CR1: variants seen among roughly 807,000 people sequenced by gnomAD.
CR1 encodes complement C3b/C4b receptor 1 (Knops blood group).
In CR1, 116 loss-of-function variants were observed where a neutral mutation model predicts 187.3. The observed-to-expected ratio is 0.62, with a 90% CI of 0.53 to 0.72. The LOEUF (loss-of-function observed/expected upper bound fraction) is 0.72, where lower values mean the gene tolerates loss of function less well. Among genes scored for constraint, CR1 ranks in the 30% least tolerant of loss-of-function variants. The probability of loss-of-function intolerance (pLI) is 0.00; values close to 1 mark genes in which losing one functional copy is unlikely to be tolerated. For missense variants in CR1, 1,731 were observed against 2,110.7 expected, an observed-to-expected ratio of 0.82 and a Z score of 3.52; for synonymous variants, 576 against 747.1, an observed-to-expected ratio of 0.77 and a Z score of 3.73.
chr1:207,581,139 C>CATGTATATGTAT (rs1660924900), intron 31 of CR1, among the ~76,000 whole-genome samples: 2 of 151,168 alleles, frequency 1.3e-5, no homozygotes, highest in African/African-American at 4.9e-5. Context: ...TACATATGGA[C>CATGTATATGTAT]ACGTATATGT....
intron 35 of CR1, among the ~76,000 whole-genome samples, chr1:207,605,640 T>A (rs763863457): frequency 1.2e-4 from 19 of 152,172 alleles, no homozygotes; most frequent in Non-Finnish European, 2.4e-4. Context: ...GTCAGAGGAC[T>A]CCCATGATCC....
Position 207,511,630 on chromosome 1 carries a change from G to T in CR1, c.463G>T (p.Asp155Tyr). 1 of 1,613,050 alleles carries T rather than the reference G, an allele frequency of 6.2e-7. No individual in the cohort carries two copies. Among genetic ancestry groups the T allele is most frequent in the Non-Finnish European group, 8.5e-7 (1 of 1,179,286 alleles). ...CIISGDTVIW[D>Y]NETPICDRIP... ...CATCTCAGGTGATACTGTCATTTGG[G>T]ATAATGAAACACCTATTTGTGACAG... The change falls in exon 4 of 47, where the codon GAT becomes TAT. Residue 155 changes from aspartate (D) to tyrosine (Y), a missense_variant. Physicochemically the swap from Asp to Tyr is radical, Grantham distance 160. Around this residue, in one of 5 missense-constraint regions of CR1, gnomAD observed 237 missense variants for 240.4 expected, o/e 0.99. Coordinates refer to ENST00000367049, the MANE Select transcript of CR1 (RefSeq NM_000651.6).
chr1:207,588,864 G>C (rs1219112868), intron 35 of CR1, 90 bp downstream of exon 35: 5 of 844,284 alleles, frequency 5.9e-6, no homozygotes, highest in Non-Finnish European at 9.3e-6. Context: ...CTAAACTATT[G>C]CTCCCTTTAC....
At chr1:207,620,866 A>G (rs891669927) in intron 43 of CR1, among the ~76,000 whole-genome samples, 5 of 152,242 alleles carry the variant, frequency 3.3e-5, no homozygotes, top group Admixed American at 1.3e-4. Flanking sequence ...AATTCAGGTC[A>G]TTGGAGAACC....
intron 36 of CR1, among the ~76,000 whole-genome samples, chr1:207,608,171 G>T (rs909583324): frequency 6.6e-6 from 1 of 152,152 alleles, no homozygotes; most frequent in African/African-American, 2.4e-5. Flanking sequence ...GTTCAGCATG[G>T]TTTGAAAATA....
intron 35 of CR1, among the ~76,000 whole-genome samples, chr1:207,594,715 A>G (rs1206163740): frequency 3.9e-5 from 6 of 152,216 alleles, no homozygotes; most frequent in Admixed American, 3.9e-4. Flanking sequence ...TCATCAGCCT[A>G]TTCTGTCACT....
At chr1:207,614,637 G>T in intron 40 of CR1, 148 bp downstream of exon 40, 1 of 541,660 alleles carries the variant, frequency 1.8e-6, no homozygotes, top group South Asian at 2.1e-5. Flanking sequence ...TTTCAAGAAG[G>T]GTCTTGTAGG....
chr1:207,496,510 T>C (rs1659091606), intron 1 of CR1, 122 bp downstream of exon 1: 2 of 1,023,880 alleles, frequency 2.0e-6, no homozygotes, highest in African/African-American at 1.7e-5. Context: ...GGCAGCGCGA[T>C]GGGTGGGCTG....
intron 3 of CR1, 30 bp downstream of exon 3, chr1:207,506,843 C>G: frequency 1.3e-6 from 2 of 1,551,948 alleles, no homozygotes; most frequent in Non-Finnish European, 1.8e-6. Context: ...ACCAACATCT[C>G]TTGGTTCAAG....
intron 35 of CR1, among the ~76,000 whole-genome samples, chr1:207,604,789 T>G (rs1661698975): frequency 1.3e-5 from 2 of 152,166 alleles, no homozygotes; most frequent in African/African-American, 4.8e-5. Context: ...ATGATCTTAC[T>G]TCCATGTGAA....
At chr1:207,589,220 A>G (rs1558251392) in intron 35 of CR1, among the ~76,000 whole-genome samples, 1 of 152,206 alleles carries the variant, frequency 6.6e-6, no homozygotes, top group Non-Finnish European at 1.5e-5. Flanking sequence ...CAAAGTGCAC[A>G]CAGAGAGGAG....
chr1:207,614,405 T>G lies in CR1; in HGVS notation c.6577T>G (p.Phe2193Val). The stretch of plus-strand genomic sequence containing the variant: ...TGCTACCACTTTTTTTTTCTTTAGG[T>G]TCCGATTAAAAGGCAGGTCTGCTAG... Reference protein sequence around the residue: ...AKVSFVCDEGFRLKGRSASHC... With the variant: ...AKVSFVCDEGVRLKGRSASHC... The change falls in exon 40 of 47, where the codon TTC (phenylalanine) becomes GTC (valine). Residue 2193 changes from phenylalanine to valine, a missense_variant and splice_region_variant. Around this residue, in one of 5 missense-constraint regions of CR1, gnomAD observed 1,312 missense variants for 1,379.6 expected, o/e 0.95. Transcript: ENST00000367049. The G allele has an allele frequency of 6.2e-7, 1 of 1,609,094 alleles. No individual in the cohort carries two copies. Among genetic ancestry groups the G allele is most frequent in the Non-Finnish European group, 8.5e-7 (1 of 1,176,748 alleles).
intron 31 of CR1, among the ~76,000 whole-genome samples, chr1:207,581,628 A>G (rs1388247581): frequency 1.3e-5 from 2 of 152,154 alleles, no homozygotes; most frequent in Non-Finnish European, 2.9e-5. Flanking sequence ...GGAATTTGGA[A>G]TAGGAACGAA....
intron 24 of CR1, among the ~76,000 whole-genome samples, chr1:207,567,266 T>G (rs889887033): frequency 4.3e-5 from 3 of 69,184 alleles, no homozygotes; most frequent in African/African-American, 6.3e-5. Flanking sequence ...CCATTTGGAG[T>G]TTTTTTTTTT....
At chr1:207,574,542 G>A (rs1660675563) in intron 27 of CR1, among the ~76,000 whole-genome samples, 1 of 151,934 alleles carries the variant, frequency 6.6e-6, no homozygotes, top group Non-Finnish European at 1.5e-5. Flanking sequence ...AATGAGATAG[G>A]ATATTGGTAA....
intron 27 of CR1, 24 bp from the exon 28 acceptor site, chr1:207,575,571 T>C: frequency 1.2e-6 from 2 of 1,611,808 alleles, no homozygotes; most frequent in Non-Finnish European, 8.5e-7. Flanking sequence ...TACAGGACAA[T>C]GATTTTCCAT....
chr1:207,619,036 CAAAAAA>C (rs71727231), intron 42 of CR1, among the ~76,000 whole-genome samples: 12 of 38,486 alleles, frequency 3.1e-4, no homozygotes, highest in African/African-American at 6.4e-4. Context: ...GACTCCGTCT[CAAAAAA>C]AAAAAAAAAA....
intron 35 of CR1, among the ~76,000 whole-genome samples, chr1:207,598,292 A>G (rs988527637): frequency 3.9e-5 from 6 of 152,148 alleles, no homozygotes; most frequent in African/African-American, 1.4e-4. Context: ...TAAATATATC[A>G]TGTGATATTA....
At chr1:207,619,565 G>A (rs139576717) in intron 42 of CR1, among the ~76,000 whole-genome samples, 15 of 152,184 alleles carry the variant, frequency 9.9e-5, no homozygotes, top group African/African-American at 3.4e-4. Context: ...CCCTCACAGC[G>A]TGACCCCAGT....
Sources: gnomAD v4.1 joint callset for allele counts (sites outside exome capture counted in the v4.1 genomes callset) on GRCh38, gnomAD v4.1.1 for gene constraint, gnomAD v4.1.1 regional missense constraint, MANE v1.5 for transcripts, NCBI Gene and HGNC (gene_info 2026-07-23, HGNC 2026-07-21) for gene names.